Variants in NRXN1 observed in about 807,000 individuals in gnomAD.
NRXN1 encodes neurexin-1.
A neutral mutation model predicts 150.9 loss-of-function variants in NRXN1; 39 were observed. The observed-to-expected ratio is 0.26, with a 90% confidence interval of 0.20 to 0.34. The LOEUF is 0.34. NRXN1 is among the 10% of genes least tolerant of loss of function. The pLI is 1.00. For missense variants in NRXN1, 1,815 were observed against 1,949.9 expected (o/e 0.93, Z 1.30); for synonymous variants, 924 against 757.0 (o/e 1.22, Z -3.62).
intron 5 of NRXN1, chr2:50,656,558 G>T: frequency 1.7e-6 from 1 of 577,528 alleles, no homozygotes; most frequent in South Asian, 2.3e-5. Flanking sequence ...GTATACAAAA[G>T]AATGGTTAAA....
At chr2:50,733,557 A>T (rs1387559152) in intron 5 of NRXN1, among the ~76,000 whole-genome samples, 4 of 152,198 alleles carry the variant, frequency 2.6e-5, no homozygotes. Flanking sequence ...CTTTAGATAC[A>T]TAATACACTT....
intron 17 of NRXN1, among the ~76,000 whole-genome samples, chr2:50,399,519 G>C (rs1367330232): frequency 6.6e-6 from 1 of 151,732 alleles, no homozygotes; most frequent in Non-Finnish European, 1.5e-5. Context: ...TTCCTATTGG[G>C]AGAGCTTTTA....
chr2:50,026,400 C>T (rs1185914130), intron 21 of NRXN1, among the ~76,000 whole-genome samples: 4 of 152,148 alleles, frequency 2.6e-5, no homozygotes. Context: ...TTTTTCAACA[C>T]CAAATGAATA....
At position 50,551,053 on chromosome 2, in the gene NRXN1, A is replaced by G. The variant is rs1047555990; in HGVS notation, c.1759+1534T>C. Among the ~76,000 whole-genome samples the G allele has an allele frequency of 2.5e-5, 3 of 120,386 alleles. No individual in the cohort carries two copies. In the East Asian group the frequency reaches 7.7e-4, roughly 31 times the overall value. The allele number at this position is 120,386 out of a possible 152,430, so 79.0% of individuals were successfully genotyped here. A position where few individuals can be genotyped will look rare whatever the true frequency, so the allele number is the denominator to read the frequency against. ...AAGAGGAAGAGGAAGAGGAAGAGGA[A>G]GAAGAAGAAGAAGAAGAAGAAGAGG... On this transcript the variant is annotated intron_variant, in intron 9 of 22. Transcript: ENST00000401669.
At chr2:50,534,018 C>A (rs2093188306) in intron 10 of NRXN1, among the ~76,000 whole-genome samples, 1 of 151,888 alleles carries the variant, frequency 6.6e-6, no homozygotes, top group Non-Finnish European at 1.5e-5. Context: ...CTCTCATATG[C>A]ATTGCTCTAT....
chr2:51,010,138 T>C (rs896227671), intron 2 of NRXN1, among the ~76,000 whole-genome samples: 2 of 151,996 alleles, frequency 1.3e-5, no homozygotes, highest in African/African-American at 2.4e-5. Flanking sequence ...AAATGGACTA[T>C]TGGTTTGACA....
At chr2:50,913,575 C>A (rs1411408317) in intron 5 of NRXN1, among the ~76,000 whole-genome samples, 1 of 151,648 alleles carries the variant, frequency 6.6e-6, no homozygotes, top group Admixed American at 6.6e-5. Flanking sequence ...ATAGTCTATA[C>A]CTGGGTTATG....
At chr2:50,320,316 A>G (rs1270633512) in intron 17 of NRXN1, among the ~76,000 whole-genome samples, 1 of 131,020 alleles carries the variant, frequency 7.6e-6, no homozygotes, top group African/African-American at 2.9e-5. Flanking sequence ...ATATATATAT[A>G]TATATATATA....
intron 17 of NRXN1, among the ~76,000 whole-genome samples, chr2:50,293,194 C>T (rs2073149010): frequency 6.6e-6 from 1 of 152,124 alleles, no homozygotes; most frequent in Admixed American, 6.5e-5. Context: ...CTGCATAGAA[C>T]TCGTCTCAGC....
At chr2:50,599,246 A>C (rs2103919652) in intron 8 of NRXN1, among the ~76,000 whole-genome samples, 1 of 152,312 alleles carries the variant, frequency 6.6e-6, no homozygotes, top group East Asian at 1.9e-4. Context: ...ATTACTACAG[A>C]GTTCATGTAA....
chr2:50,711,099 T>G (rs1695076707), intron 5 of NRXN1, among the ~76,000 whole-genome samples: 1 of 152,192 alleles, frequency 6.6e-6, no homozygotes, highest in Non-Finnish European at 1.5e-5. Flanking sequence ...ATTAAGCTCT[T>G]GCACTCTTAA....
intron 17 of NRXN1, among the ~76,000 whole-genome samples, chr2:50,269,505 C>T (rs2069303335): frequency 1.3e-5 from 2 of 152,174 alleles, no homozygotes; most frequent in Admixed American, 6.5e-5. Context: ...CAGATTATAT[C>T]TGGCCAATGG....
At chr2:50,522,484 G>A (rs113316246) in intron 12 of NRXN1, among the ~76,000 whole-genome samples, 13 of 152,242 alleles carry the variant, frequency 8.5e-5, no homozygotes, top group African/African-American at 3.1e-4. Context: ...CTGCACAAGA[G>A]TAGTTTTTAG....
chr2:50,417,102 T>C (rs2083595816), intron 17 of NRXN1: 1 of 152,060 alleles, frequency 6.6e-6, no homozygotes, highest in African/African-American at 2.4e-5. Context: ...GGAAAGAGAT[T>C]GAGACTGAAT....
intron 5 of NRXN1, among the ~76,000 whole-genome samples, chr2:50,748,105 A>T (rs567262676): frequency 6.6e-6 from 1 of 152,312 alleles, no homozygotes; most frequent in Non-Finnish European, 1.5e-5. Flanking sequence ...CCACGTATAG[A>T]CGAAGAAACA....
In NRXN1 at chr2:50,922,375, A is replaced by G. The variant is rs373596028; in HGVS notation, c.820+283T>C. On this transcript the variant is annotated intron_variant, in intron 4 of 22. Coordinates refer to ENST00000401669, the MANE Select transcript of NRXN1 (RefSeq NM_001330078.2). ...TAACCACCCTTTACTGCATATGCTG[A>G]TAAGTATATAGAAACTTTCAATCAC... 3.3e-5 allele frequency: 18 copies of G among 545,858 alleles called. 1 individual carries two copies. Among genetic ancestry groups the G allele is most frequent in the African/African-American group, 2.1e-4 (11 of 52,620 alleles). 33.8% of individuals were successfully genotyped at this position (545,858 alleles called of 1,614,324 possible).
intron 5 of NRXN1, among the ~76,000 whole-genome samples, chr2:50,830,148 G>A (rs1671214327): frequency 6.6e-6 from 1 of 151,788 alleles, no homozygotes; most frequent in Non-Finnish European, 1.5e-5. Context: ...GGCAAATGCA[G>A]CTCATTTTTA....
chr2:49,946,363 T>G lies in NRXN1; in HGVS notation c.4129-2572A>C, dbSNP rs1672889358. On this transcript the variant is annotated intron_variant, in intron 21 of 22. Coordinates refer to ENST00000401669, the MANE Select transcript of NRXN1 (RefSeq NM_001330078.2). ...CCTGTCCATTCTGATGATAGTTTCT[T>G]TTGCTGGGCAGAAGCTCTTTAATTA... Among the ~76,000 whole-genome samples, 4 of 152,182 alleles carry G rather than the reference T, an allele frequency of 2.6e-5. No homozygotes were observed. In the South Asian group the frequency reaches 8.3e-4, roughly 31 times the overall value.
chr2:49,973,414 A>G (rs966107227), intron 21 of NRXN1, among the ~76,000 whole-genome samples: 2 of 152,168 alleles, frequency 1.3e-5, no homozygotes, highest in African/African-American at 4.8e-5. Flanking sequence ...GCAAACATGC[A>G]TTTAATTCAG....
Sources: allele counts gnomAD v4.1 joint callset (sites outside exome capture counted in the v4.1 genomes callset), GRCh38; gene constraint gnomAD v4.1.1; transcripts MANE v1.5; gene names NCBI Gene and HGNC (gene_info 2026-07-23, HGNC 2026-07-21).